C2CD5: variants seen among roughly 807,000 people sequenced by gnomAD.
C2CD5 encodes the protein C2 domain-containing protein 5.
Under a neutral mutation model 130.3 loss-of-function variants are expected in C2CD5, and 109 were observed. That is an observed-to-expected ratio of 0.84 (90% CI 0.72 to 0.98). C2CD5 has a LOEUF of 0.98. C2CD5 is among the 50% of genes least tolerant of loss of function. The probability of loss-of-function intolerance (pLI) is 0.00; values close to 1 mark genes in which losing one functional copy is unlikely to be tolerated. For missense variants in C2CD5, 996 were observed against 1,261.8 expected, an observed-to-expected ratio of 0.79 and a Z score of 3.19; for synonymous variants, 454 against 429.2, an observed-to-expected ratio of 1.06 and a Z score of -0.71.
intron 15 of C2CD5, among the ~76,000 whole-genome samples, chr12:22,476,260 A>G (rs929421732): frequency 3.3e-5 from 5 of 152,146 alleles, no homozygotes; most frequent in African/African-American, 9.6e-5. Context: ...ACTCTGATCT[A>G]CATATTCAGG....
At chr12:22,457,868 T>G (rs1373197169) in intron 24 of C2CD5, among the ~76,000 whole-genome samples, 1 of 152,122 alleles carries the variant, frequency 6.6e-6, no homozygotes, top group Admixed American at 6.6e-5. Context: ...CAAGGTCTCA[T>G]AGCTATTAAA....
Position 22,478,364 on chromosome 12 carries a change from C to T in C2CD5, c.1851G>A (p.Lys617=). The change falls in exon 15 of 27, where the codon AAG becomes AAA. Residue 617 remains lysine, a synonymous_variant. Coordinates refer to ENST00000446597, the MANE Select transcript of C2CD5 (RefSeq NM_001286176.2). ...YEQHISHMQK[K]INDTIAKNKE... is the part of the protein sequence containing the mutation. ...TGTTTTTAGCAATTGTGTCATTTATCTTCTTCTGCATATGAGAGATGTGTT... is the reference window on the plus strand; with the variant it reads ...TGTTTTTAGCAATTGTGTCATTTATTTTCTTCTGCATATGAGAGATGTGTT... 6.2e-7 allele frequency: 1 copy of T among 1,613,420 alleles called. No homozygotes were observed. Among genetic ancestry groups the T allele is most frequent in the Non-Finnish European group, 8.5e-7 (1 of 1,179,498 alleles).
intron 24 of C2CD5, among the ~76,000 whole-genome samples, chr12:22,458,194 G>C (rs1452966689): frequency 6.6e-6 from 1 of 152,112 alleles, no homozygotes; most frequent in Non-Finnish European, 1.5e-5. Flanking sequence ...TTCAATAAGA[G>C]AGTTGGCAAT....
At chr12:22,521,424 C>T (rs1950256357) in intron 7 of C2CD5, among the ~76,000 whole-genome samples, 1 of 152,172 alleles carries the variant, frequency 6.6e-6, no homozygotes, top group African/African-American at 2.4e-5. Flanking sequence ...CAAAACATAT[C>T]CCCTTGCTCT....
At chr12:22,508,026 C>T (rs142773683) in intron 9 of C2CD5, among the ~76,000 whole-genome samples, 6 of 152,206 alleles carry the variant, frequency 3.9e-5, no homozygotes, top group Middle Eastern at 3.4e-3. Flanking sequence ...CAGAATACCA[C>T]CAGAAGCAGG....
At chr12:22,461,696 C>T (rs886146017) in intron 22 of C2CD5, among the ~76,000 whole-genome samples, 5 of 151,696 alleles carry the variant, frequency 3.3e-5, no homozygotes, top group East Asian at 1.9e-4. Context: ...AAATTTTTCA[C>T]GATATACATG....
intron 10 of C2CD5, among the ~76,000 whole-genome samples, chr12:22,493,766 T>A (rs1946656765): frequency 6.6e-6 from 1 of 152,030 alleles, no homozygotes; most frequent in South Asian, 2.1e-4. Flanking sequence ...CCTATTTTTA[T>A]AACTCACTAT....
chr12:22,492,213 AATAAG>A, intron 11 of C2CD5, among the ~76,000 whole-genome samples: 1 of 152,304 alleles, frequency 6.6e-6, no homozygotes, highest in East Asian at 1.9e-4. Flanking sequence ...ATGGTAGAAA[AATAAG>A]ATAACAGAAG....
At chr12:22,539,349 C>T (rs542543184) in intron 2 of C2CD5, among the ~76,000 whole-genome samples, 2 of 148,334 alleles carry the variant, frequency 1.3e-5, no homozygotes, top group Non-Finnish European at 3.0e-5. Flanking sequence ...TTCTCCCACC[C>T]ACTGGCTCAC....
At chr12:22,519,554 A>G (rs780413975) in intron 7 of C2CD5, among the ~76,000 whole-genome samples, 10 of 152,136 alleles carry the variant, frequency 6.6e-5, no homozygotes, top group Non-Finnish European at 1.3e-4. Context: ...TTTCCTTAAC[A>G]TATTTGTCAT....
intron 7 of C2CD5, among the ~76,000 whole-genome samples, chr12:22,521,255 G>A (rs1950242916): frequency 6.6e-6 from 1 of 152,046 alleles, no homozygotes; most frequent in South Asian, 2.1e-4. Flanking sequence ...GAGTATTGAG[G>A]GTTTTTAAAA....
At position 22,472,079 on chromosome 12, in the gene C2CD5, G is replaced by T; in HGVS notation, c.2170-14C>A. 7.3e-7 allele frequency: 1 copy of T among 1,362,184 alleles called. No individual in the cohort carries two copies. The highest frequency in any genetic ancestry group is 1.0e-6 in the Non-Finnish European group (1 of 963,074). 84.4% of individuals were successfully genotyped at this position (1,362,184 alleles called of 1,614,324 possible). On this transcript the variant is annotated splice_polypyrimidine_tract_variant and intron_variant, in intron 18 of 26. Transcript: ENST00000446597. ...TGAAGTGAACATCTAAATGTGGGGT[G>T]ACATAACATGTCATTTTATTATTTT...
chr12:22,515,157 A>T (rs1481266715), intron 8 of C2CD5: 1 of 983,404 alleles, frequency 1.0e-6, no homozygotes, highest in Non-Finnish European at 1.2e-6. Flanking sequence ...GGTGCTGTGG[A>T]GGAAAGTAGC....
chr12:22,489,001 G>A (rs970078888), intron 12 of C2CD5, among the ~76,000 whole-genome samples: 4 of 151,358 alleles, frequency 2.6e-5, no homozygotes, highest in African/African-American at 9.7e-5. Flanking sequence ...TTAGCCTCCT[G>A]AGTAGCTGGG....
At chr12:22,493,060 C>T (rs1282921060) in intron 11 of C2CD5, among the ~76,000 whole-genome samples, 163 bp downstream of exon 11, 2 of 152,168 alleles carry the variant, frequency 1.3e-5, no homozygotes, top group East Asian at 1.9e-4. Context: ...TACACAGTCA[C>T]TAACTGGCAA....
intron 10 of C2CD5, chr12:22,502,641 T>C (rs1387168495): frequency 6.3e-6 from 4 of 635,276 alleles, no homozygotes; most frequent in African/African-American, 1.8e-5. Context: ...ATAACTGAAT[T>C]GACCTTAAAC....
At chr12:22,540,656 C>T (rs552508097) in intron 2 of C2CD5, among the ~76,000 whole-genome samples, 2 of 152,258 alleles carry the variant, frequency 1.3e-5, no homozygotes, top group East Asian at 1.9e-4. Flanking sequence ...GTCAGGAGTT[C>T]AAGACCAGCC....
At chr12:22,541,017 G>A (rs1200879066) in intron 2 of C2CD5, among the ~76,000 whole-genome samples, 1 of 152,146 alleles carries the variant, frequency 6.6e-6, no homozygotes, top group Non-Finnish European at 1.5e-5. Context: ...AGGGAGTCCT[G>A]GGTCTCACAG....
intron 17 of C2CD5, 169 bp from the exon 18 acceptor site, chr12:22,472,516 G>GTT: frequency 1.7e-6 from 1 of 598,852 alleles, no homozygotes; most frequent in Non-Finnish European, 2.9e-6. Flanking sequence ...ATTATCACAG[G>GTT]TTTTTTTTTC....
Sources: allele counts gnomAD v4.1 joint callset (sites outside exome capture counted in the v4.1 genomes callset), GRCh38; gene constraint gnomAD v4.1.1; transcripts MANE v1.5; gene names NCBI Gene and HGNC (gene_info 2026-07-23, HGNC 2026-07-21).